Variants in METTL4 observed in about 807,000 individuals in gnomAD.
METTL4 encodes methyltransferase 4, N6-adenosine, also known as N(6)-adenine-specific methyltransferase METTL4.
METTL4 carries 40 observed loss-of-function variants against 54.0 expected under a neutral mutation model. The ratio of observed to expected loss-of-function variants is 0.74; its 90% CI spans 0.58 to 0.96. The LOEUF is 0.96. METTL4 is among the 50% of genes least tolerant of loss of function. The pLI, the probability that METTL4 is intolerant of heterozygous loss-of-function variation, is 0.00. For missense variants in METTL4, 525 were observed against 549.0 expected, an observed-to-expected ratio of 0.96 and a Z score of 0.44; for synonymous variants, 169 against 183.8, an observed-to-expected ratio of 0.92 and a Z score of 0.65.
intron 3 of METTL4, chr18:2,561,479 A>T (rs1286011349): frequency 2.0e-5 from 3 of 152,238 alleles, no homozygotes; most frequent in Non-Finnish European, 4.4e-5. Flanking sequence ...AAAGATGTCA[A>T]CACTGCCCTA....
chr18:2,569,483 C>G (rs1011799506), intron 1 of METTL4, among the ~76,000 whole-genome samples: 10 of 152,188 alleles, frequency 6.6e-5, no homozygotes, highest in Non-Finnish European at 1.2e-4. Context: ...CCCTACCGCT[C>G]TCCCTTCCTC....
intron 8 of METTL4, among the ~76,000 whole-genome samples, chr18:2,543,838 G>A (rs2072029673): frequency 6.6e-6 from 1 of 152,128 alleles, no homozygotes; most frequent in African/African-American, 2.4e-5. Flanking sequence ...CTGAGTTCCT[G>A]GTTTTAGAAC....
rs796190404 is a variant in METTL4 at position 2,540,517 on chromosome 18, G to A, written c.1274-1372C>T. On this transcript the variant is annotated intron_variant, in intron 8 of 8. Transcript: ENST00000574538. Reference sequence around the variant, plus strand: ...ACTTGTTCATCTGTCAGAAAGTACTGGTCCTGTTTAGCAAAAATCAAAGAA... The same window carrying A: ...ACTTGTTCATCTGTCAGAAAGTACTAGTCCTGTTTAGCAAAAATCAAAGAA... 4.1e-6 allele frequency: 4 copies of A among 985,340 alleles called. No homozygotes were observed. In the African/African-American group the frequency reaches 5.2e-5, roughly 13 times the overall value. 61.0% of individuals were successfully genotyped at this position (985,340 alleles called of 1,614,324 possible).
In METTL4 at chr18:2,537,750, T is replaced by C. The variant is rs2071932267; in HGVS notation, c.*1250A>G. 5.0e-6 allele frequency: 2 copies of C among 397,112 alleles called. No homozygotes were observed. Among genetic ancestry groups the C allele is most frequent in the Non-Finnish European group, 8.9e-6 (2 of 225,426 alleles). The allele number at this position is 397,112 out of a possible 1,614,324, so 24.6% of individuals were successfully genotyped here. A position where few individuals can be genotyped will look rare whatever the true frequency, so the allele number is the denominator to read the frequency against. On this transcript the variant is annotated 3_prime_UTR_variant, in exon 9 of 9. Coordinates refer to ENST00000574538, the MANE Select transcript of METTL4 (RefSeq NM_022840.5). ...ATTTTACTTAGTGGATAAATATTTG[T>C]CAACAATCTGTAAATAGTATAAATG...
intron 3 of METTL4, among the ~76,000 whole-genome samples, chr18:2,558,648 A>G (rs576910708): frequency 6.6e-6 from 1 of 152,222 alleles, no homozygotes; most frequent in Admixed American, 6.5e-5. Context: ...ACAGAAGTCA[A>G]TAAAATGGAA....
chr18:2,539,522 C>T (rs1312950176), intron 8 of METTL4, among the ~76,000 whole-genome samples: 2 of 150,148 alleles, frequency 1.3e-5, no homozygotes, highest in Non-Finnish European at 3.0e-5. Flanking sequence ...CGCACTGTCA[C>T]CCAGGCTGGA....
rs1287238640 is a variant in METTL4 at position 2,564,869 on chromosome 18, CAA to C, written c.397-1012_397-1011del. On this transcript the variant is annotated intron_variant, in intron 2 of 8. Coordinates refer to ENST00000574538, the MANE Select transcript of METTL4 (RefSeq NM_022840.5). ...ACCCTGTAAACTATAAAGTCCTTTA[CAA>C]AGGCTTGTTATTATCTGAATTACTT... Among the ~76,000 whole-genome samples the C allele has an allele frequency of 1.4e-4, 22 of 152,258 alleles. No individual in the cohort carries two copies. In the East Asian group the frequency reaches 4.2e-3, roughly 29 times the overall value.
intron 3 of METTL4, among the ~76,000 whole-genome samples, chr18:2,560,759 A>G (rs1598353740): frequency 6.6e-6 from 1 of 151,976 alleles, no homozygotes. Context: ...GGCGCCTGTA[A>G]TCCCAGCTAC....
chr18:2,557,318 A>T (rs540193122), intron 3 of METTL4, among the ~76,000 whole-genome samples: 54 of 152,292 alleles, frequency 3.5e-4, no homozygotes, highest in South Asian at 8.3e-4. Context: ...AATTTAAAAA[A>T]TAAAAATAAA....
In METTL4 at chr18:2,538,899, C is replaced by CT. The variant is rs1306349697; in HGVS notation, c.*100dup. The stretch of plus-strand genomic sequence containing the variant: ...GAAAAAAACAAGTCCTGTTTATATT[C>CT]TAAGAATATGGGTTGGTAACAAAAT... On this transcript the variant is annotated 3_prime_UTR_variant, in exon 9 of 9. Transcript: ENST00000574538. 31 of 1,325,216 alleles carry CT rather than the reference C, an allele frequency of 2.3e-5. No individual in the cohort carries two copies. Among genetic ancestry groups the CT allele is most frequent in the Non-Finnish European group, 3.1e-5 (30 of 963,402 alleles). The allele number at this position is 1,325,216 out of a possible 1,614,324, so 82.1% of individuals were successfully genotyped here. A position where few individuals can be genotyped will look rare whatever the true frequency, so the allele number is the denominator to read the frequency against.
At chr18:2,568,355 A>G (rs2072452179) in intron 1 of METTL4, 1 of 152,228 alleles carries the variant, frequency 6.6e-6, no homozygotes, top group African/African-American at 2.4e-5. Flanking sequence ...ATTAGAGGGA[A>G]GAAGGGGCGA....
Position 2,571,356 on chromosome 18 carries a change from T to C in METTL4, c.-646A>G, listed in dbSNP as rs1309758059. The C allele has an allele frequency of 6.6e-6, 1 of 152,256 alleles. No individual in the cohort carries two copies. Among genetic ancestry groups the C allele is most frequent in the East Asian group, 1.9e-4 (1 of 5,190 alleles). 9.4% of individuals were successfully genotyped at this position (152,256 alleles called of 1,614,324 possible). A position where few individuals can be genotyped will look rare whatever the true frequency, so the allele number is the denominator to read the frequency against. On this transcript the variant is annotated 5_prime_UTR_variant, in exon 1 of 9. Coordinates refer to ENST00000574538, the MANE Select transcript of METTL4 (RefSeq NM_022840.5). ...GAGCGTTCAGGGCACTCCTCGGCGC[T>C]CAAGCTGCCCACAGGTCTTCCGACC...
rs534017252 is a variant in METTL4 at position 2,550,988 on chromosome 18, C to T, written c.899+1707G>A. Among the ~76,000 whole-genome samples, 510 of 151,416 alleles carry T rather than the reference C, an allele frequency of 3.4e-3. 3 individuals carry two copies. Among genetic ancestry groups the T allele is most frequent in the African/African-American group, 0.012 (481 of 41,286 alleles). On this transcript the variant is annotated intron_variant, in intron 5 of 8. Coordinates refer to ENST00000574538, the MANE Select transcript of METTL4 (RefSeq NM_022840.5). ...GACCATCCTGGCTAACATGGTGAAACCCCGTCTCTACTAAAAATACAAAAA... is the reference window on the plus strand; with the variant it reads ...GACCATCCTGGCTAACATGGTGAAATCCCGTCTCTACTAAAAATACAAAAA...
At chr18:2,539,973 C>T (rs1246410990) in intron 8 of METTL4, 8 of 976,978 alleles carry the variant, frequency 8.2e-6, no homozygotes, top group Non-Finnish European at 8.5e-6. Flanking sequence ...AACTAGCCCC[C>T]TTAGCAGTAA....
chr18:2,560,151 C>G (rs1223924266), intron 3 of METTL4, among the ~76,000 whole-genome samples: 1 of 152,082 alleles, frequency 6.6e-6, no homozygotes, highest in Non-Finnish European at 1.5e-5. Flanking sequence ...TACTAAAAAC[C>G]TTCCCCCATG....
rs563806459 is a variant in METTL4 at position 2,552,864 on chromosome 18, G to T, written c.830-100C>A. ...ACTCAAGTGATTTCACTACGGACACGAATATAATGGAATGCACCAAAGGGA... is the reference window on the plus strand; with the variant it reads ...ACTCAAGTGATTTCACTACGGACACTAATATAATGGAATGCACCAAAGGGA... On this transcript the variant is annotated intron_variant, in intron 4 of 8. Transcript: ENST00000574538. 222 of 690,108 alleles carry T rather than the reference G, an allele frequency of 3.2e-4. No homozygotes were observed. In the East Asian group the frequency reaches 3.6e-3, roughly 11 times the overall value. 42.7% of individuals were successfully genotyped at this position (690,108 alleles called of 1,614,324 possible).
At chr18:2,542,827 C>A (rs1383826517) in intron 8 of METTL4, among the ~76,000 whole-genome samples, 2 of 152,014 alleles carry the variant, frequency 1.3e-5, no homozygotes, top group Non-Finnish European at 2.9e-5. Flanking sequence ...TGAAGTAATA[C>A]TATAAACACC....
intron 3 of METTL4, chr18:2,561,024 A>G (rs1598353911): frequency 1.3e-5 from 2 of 152,172 alleles, no homozygotes; most frequent in African/African-American, 4.8e-5. Context: ...AGGTTCATGG[A>G]AAAAAATTTT....
rs2072183746 is a variant in METTL4, at chr18:2,552,856, A to G, written c.830-92T>C. ...TCTTCAAAACTCAAGTGATTTCACT[A>G]CGGACACGAATATAATGGAATGCAC... On this transcript the variant is annotated intron_variant, in intron 4 of 8. Transcript: ENST00000574538. The G allele has an allele frequency of 3.9e-6, 3 of 763,170 alleles. No homozygotes were observed. In the African/African-American group the frequency reaches 5.2e-5, roughly 13 times the overall value. 47.3% of individuals were successfully genotyped at this position (763,170 alleles called of 1,614,324 possible). A position where few individuals can be genotyped will look rare whatever the true frequency, so the allele number is the denominator to read the frequency against.
Sources: allele counts gnomAD v4.1 joint callset (sites outside exome capture counted in the v4.1 genomes callset), GRCh38; gene constraint gnomAD v4.1.1; transcripts MANE v1.5; gene names NCBI Gene and HGNC (gene_info 2026-07-23, HGNC 2026-07-21).